The following CLGN variants were observed in gnomAD, a reference collection of about 807,000 sequenced individuals.
The protein encoded by CLGN is testis tissue sperm-binding protein Li 79P.
Under a neutral mutation model 79.1 loss-of-function variants are expected in CLGN, and 62 were observed. The observed-to-expected ratio is 0.78, with a 90% confidence interval of 0.64 to 0.97. CLGN has a LOEUF of 0.97. Ranked by LOEUF, CLGN falls within the 50% of genes least tolerant of loss-of-function variation. CLGN has a pLI of 0.00. For missense variants in CLGN, 647 were observed against 715.5 expected (o/e 0.90, Z 1.09); for synonymous variants, 225 against 224.7 (o/e 1.00, Z -0.01).
rs374138735 is a variant in CLGN at position 140,389,327 on chromosome 4, G to T, written c.1753-23C>A. On this transcript the variant is annotated intron_variant, in intron 14 of 14. Coordinates refer to ENST00000325617, the MANE Select transcript of CLGN (RefSeq NM_004362.3). ...CATCTAGAAAAAATAATTATGAAAAGGTTTCTTTTAGTATAACACATAACT... is the reference window on the plus strand; with the variant it reads ...CATCTAGAAAAAATAATTATGAAAATGTTTCTTTTAGTATAACACATAACT... 3.1e-5 allele frequency: 49 copies of T among 1,590,328 alleles called. No individual in the cohort carries two copies. The African/African-American group carries it at 5.8e-4, about 19-fold the overall frequency.
chr4:140,391,101 T>G (rs1728763231), intron 13 of CLGN, among the ~76,000 whole-genome samples: 1 of 151,762 alleles, frequency 6.6e-6, no homozygotes, highest in African/African-American at 2.4e-5. Context: ...ACATCATGCA[T>G]TTTTTCAGTT....
In CLGN at chr4:140,395,871, G is replaced by T; in HGVS notation, c.1097C>A (p.Pro366Gln). ...GEWKPPMIDN[P>Q]KYKGVWRPPL... ...AGGTCTCCATACTCCTTTGTATTTT[G>T]GGTTATCTATCATGGGAGGTTTCCA... The change falls in exon 10 of 15, where the codon CCA (proline) becomes CAA (glutamine). Residue 366 changes from proline (P) to glutamine (Q), a missense_variant. By Grantham distance (76) the Pro-to-Gln change is moderately conservative. Coordinates refer to ENST00000325617, the MANE Select transcript of CLGN (RefSeq NM_004362.3). 1 of 1,592,364 alleles carries T rather than the reference G, an allele frequency of 6.3e-7. No individual in the cohort carries two copies. The highest frequency in any genetic ancestry group is 8.5e-7 in the Non-Finnish European group (1 of 1,172,858).
chr4:140,392,360 C>A lies in CLGN; in HGVS notation c.1510G>T (p.Glu504Ter), dbSNP rs1728790880. Residue 504 changes from glutamate (E) to a stop codon, truncating the protein, a stop_gained, in exon 13 of 15, where the codon GAG (glutamate) becomes TAG (stop). Coordinates refer to ENST00000325617, the MANE Select transcript of CLGN (RefSeq NM_004362.3). LOFTEE classifies it high-confidence loss of function. ...ATACATATGTCGGTTTTTTTATACT[C>A]TGTATCTTTATGTTTTTTCTGTGGT... is the stretch of plus-strand genomic sequence containing the variant. ...RKVKKKHKDT[E>*]YKKTDICIPQ... 1 of 1,595,812 alleles carries A rather than the reference C, an allele frequency of 6.3e-7. No individual in the cohort carries two copies. The highest frequency in any genetic ancestry group is 8.5e-7 in the Non-Finnish European group (1 of 1,174,768).
intron 5 of CLGN, among the ~76,000 whole-genome samples, chr4:140,404,914 C>G (rs1411393500): frequency 6.6e-6 from 1 of 151,970 alleles, no homozygotes; most frequent in East Asian, 1.9e-4. Context: ...CCTAGGCCTC[C>G]CAAAGTGCTG....
intron 8 of CLGN, among the ~76,000 whole-genome samples, chr4:140,396,905 ATG>A (rs1168394243): frequency 0.047 from 1,856 of 39,344 alleles, 40 homozygotes; most frequent in African/African-American, 0.1. Context: ...ATATATATAT[ATG>A]TATATATATA....
At chr4:140,417,655 G>T (rs1266957132) in intron 1 of CLGN, among the ~76,000 whole-genome samples, 1 of 151,728 alleles carries the variant, frequency 6.6e-6, no homozygotes, top group African/African-American at 2.4e-5. Context: ...GGATGTGAAG[G>T]ACCTCTTCAA....
chr4:140,410,324 A>T (rs1257753556), intron 3 of CLGN, among the ~76,000 whole-genome samples: 5 of 152,032 alleles, frequency 3.3e-5, no homozygotes, highest in Non-Finnish European at 5.9e-5. Context: ...AAATGTTATA[A>T]ATTTCATCTT....
intron 6 of CLGN, among the ~76,000 whole-genome samples, 175 bp downstream of exon 6, chr4:140,401,810 A>C (rs1729005081): frequency 6.6e-6 from 1 of 152,154 alleles, no homozygotes; most frequent in Admixed American, 6.5e-5. Flanking sequence ...CAAGTAACAC[A>C]GCTTTATATA....
intron 5 of CLGN, among the ~76,000 whole-genome samples, chr4:140,405,377 G>T (rs1376602649): frequency 1.3e-5 from 2 of 150,222 alleles, no homozygotes; most frequent in East Asian, 3.9e-4. Context: ...GTAGAGACGG[G>T]GTTTCACCGT....
chr4:140,421,476 T>A (rs1038663642), intron 1 of CLGN, among the ~76,000 whole-genome samples: 1 of 152,160 alleles, frequency 6.6e-6, no homozygotes, highest in Non-Finnish European at 1.5e-5. Flanking sequence ...TTATGTTTTT[T>A]TAAATAGTAG....
chr4:140,402,119 C>T, intron 5 of CLGN, 53 bp from the exon 6 acceptor site: 1 of 910,078 alleles, frequency 1.1e-6, no homozygotes, highest in Non-Finnish European at 1.7e-6. Context: ...TTACTAGTTG[C>T]TCTTTAAAAT....
intron 1 of CLGN, chr4:140,426,899 C>G (rs774402129): frequency 5.9e-5 from 9 of 152,458 alleles, no homozygotes; most frequent in South Asian, 2.1e-4. Flanking sequence ...CGCCCGCCCC[C>G]CGGCGGCGCA....
At chr4:140,400,274 T>A (rs1728974397) in intron 7 of CLGN, 83 bp downstream of exon 7, 1 of 979,656 alleles carries the variant, frequency 1.0e-6, no homozygotes, top group Non-Finnish European at 1.6e-6. Flanking sequence ...GGTACACATT[T>A]GTTTTCTTGT....
At chr4:140,390,561 G>A (rs899492479) in intron 14 of CLGN, 67 bp downstream of exon 14, 9 of 997,450 alleles carry the variant, frequency 9.0e-6, no homozygotes, top group Middle Eastern at 2.2e-4. Context: ...AATCATATTG[G>A]TGCTTTTATT....
chr4:140,418,736 C>G (rs940200441), intron 1 of CLGN, among the ~76,000 whole-genome samples: 7 of 149,856 alleles, frequency 4.7e-5, no homozygotes, highest in Non-Finnish European at 1.0e-4. Flanking sequence ...GAAATAGGAA[C>G]ACTTTTACAC....
chr4:140,403,930 C>A (rs1266666460), intron 5 of CLGN, among the ~76,000 whole-genome samples: 1 of 151,968 alleles, frequency 6.6e-6, no homozygotes. Flanking sequence ...TCAAATTGTT[C>A]CATGAAATAG....
Position 140,395,882 on chromosome 4 carries a change from C to A in CLGN, c.1086G>T (p.Met362Ile). 2 of 1,599,022 alleles carry A rather than the reference C, an allele frequency of 1.3e-6. No homozygotes were observed. Among genetic ancestry groups the A allele is most frequent in the Non-Finnish European group, 8.5e-7 (1 of 1,175,094 alleles). Residue 362 changes from methionine (M) to isoleucine (I), a missense_variant, in exon 10 of 15, where the codon ATG becomes ATT. By Grantham distance (10) the Met-to-Ile change is conservative (BLOSUM62 1). Coordinates refer to ENST00000325617, the MANE Select transcript of CLGN (RefSeq NM_004362.3). ...RIGCGEWKPPMIDNPKYKGVW... is the reference protein window; with the variant it reads ...RIGCGEWKPPIIDNPKYKGVW... ...CTCCTTTGTATTTTGGGTTATCTATCATGGGAGGTTTCCACTCACCACACC... is the reference window on the plus strand; with the variant it reads ...CTCCTTTGTATTTTGGGTTATCTATAATGGGAGGTTTCCACTCACCACACC...
intron 1 of CLGN, among the ~76,000 whole-genome samples, chr4:140,417,900 C>A (rs1729376983): frequency 6.6e-6 from 1 of 151,936 alleles, no homozygotes; most frequent in Non-Finnish European, 1.5e-5. Flanking sequence ...CCAAGTCAAT[C>A]CTAAGCCAAA....
chr4:140,396,894 T>TAC (rs1728895043), intron 8 of CLGN, among the ~76,000 whole-genome samples: 2 of 69,002 alleles, frequency 2.9e-5, no homozygotes, highest in African/African-American at 4.8e-5. Flanking sequence ...TATATATGTA[T>TAC]ATATATATAT....
Sources: allele counts gnomAD v4.1 joint callset (sites outside exome capture counted in the v4.1 genomes callset), GRCh38; gene constraint gnomAD v4.1.1; transcripts MANE v1.5; gene names NCBI Gene and HGNC (gene_info 2026-07-23, HGNC 2026-07-21).